PATL2: variants seen among roughly 807,000 people sequenced by gnomAD.
PATL2 encodes protein PAT1 homolog 2.
Under a neutral mutation model 77.0 loss-of-function variants are expected in PATL2, and 73 were observed. The ratio of observed to expected loss-of-function variants is 0.95; its 90% CI spans 0.78 to 1.15. PATL2 has a LOEUF of 1.15. Among genes scored for constraint, PATL2 ranks in the 50% most tolerant of loss-of-function variants. The pLI, the probability that PATL2 is intolerant of heterozygous loss-of-function variation, is 0.00. For missense variants in PATL2, 618 were observed against 655.4 expected, an observed-to-expected ratio of 0.94 and a Z score of 0.62; for synonymous variants, 265 against 257.1, an observed-to-expected ratio of 1.03 and a Z score of -0.29.
At chr15:44,679,299 C>T (rs905696711) in intron 3 of PATL2, among the ~76,000 whole-genome samples, 10 of 151,496 alleles carry the variant, frequency 6.6e-5, no homozygotes, top group African/African-American at 1.5e-4. Context: ...GGCACCATCT[C>T]GGCTCACTGC....
intron 3 of PATL2, among the ~76,000 whole-genome samples, chr15:44,688,781 C>T (rs2086320126): frequency 6.6e-6 from 1 of 152,088 alleles, no homozygotes; most frequent in African/African-American, 2.4e-5. Flanking sequence ...TAGGCAATAC[C>T]ATTCAGGACA....
chr15:44,700,616 G>A (rs564185968), intron 3 of PATL2, among the ~76,000 whole-genome samples: 1 of 152,072 alleles, frequency 6.6e-6, no homozygotes, highest in East Asian at 1.9e-4. Flanking sequence ...TGTTGACTTT[G>A]TATCCTCCAA....
intron 4 of PATL2, 86 bp from the exon 5 acceptor site, chr15:44,675,777 T>C (rs2085924940): frequency 1.7e-6 from 2 of 1,177,228 alleles, no homozygotes; most frequent in Middle Eastern, 2.2e-4. Flanking sequence ...CAATAGCACT[T>C]CTGTTCATAA....
intron 3 of PATL2, among the ~76,000 whole-genome samples, chr15:44,698,104 T>TTTTAA (rs1406636442): frequency 6.1e-5 from 3 of 49,448 alleles, no homozygotes; most frequent in African/African-American, 2.2e-4. Flanking sequence ...TTTAATTTTA[T>TTTTAA]TTTTAATTTT....
chr15:44,700,868 G>A (rs923349759), intron 3 of PATL2, among the ~76,000 whole-genome samples: 7 of 151,848 alleles, frequency 4.6e-5, no homozygotes, highest in African/African-American at 1.7e-4. Context: ...AAGGCTTTAG[G>A]TTTTCCCCTA....
intron 3 of PATL2, among the ~76,000 whole-genome samples, chr15:44,688,030 G>A (rs552462830): frequency 3.9e-5 from 6 of 152,016 alleles, no homozygotes; most frequent in African/African-American, 7.2e-5. Context: ...GGCAGATCAC[G>A]AGGTCAGGAG....
At chr15:44,676,696 C>G (rs1330936557) in intron 3 of PATL2, 131 bp from the exon 4 acceptor site, 1 of 1,186,954 alleles carries the variant, frequency 8.4e-7, no homozygotes, top group African/African-American at 1.6e-5. Context: ...GGAGAGAGAC[C>G]CTGGGGTCTC....
Position 44,665,822 on chromosome 15 carries a change from G to A in PATL2, c.*131C>T. On this transcript the variant is annotated 3_prime_UTR_variant, in exon 18 of 18. Coordinates refer to ENST00000682850, the MANE Select transcript of PATL2 (RefSeq NM_001387263.1). ...ATTTTTGAAGAAAGGATATGAAAAT[G>A]GGGAAGGGTTCTCCAATATATAAAG... 6.6e-7 allele frequency: 1 copy of A among 1,524,540 alleles called. No homozygotes were observed. 94.4% of individuals were successfully genotyped at this position (1,524,540 alleles called of 1,614,324 possible).
At position 44,670,001 on chromosome 15, in the gene PATL2, C is replaced by T. The variant is rs1472764731; in HGVS notation, c.744G>A (p.Thr248=). 57 of 1,549,554 alleles carry T rather than the reference C, an allele frequency of 3.7e-5. No homozygotes were observed. Among genetic ancestry groups the T allele is most frequent in the Admixed American group, 5.9e-5 (3 of 50,608 alleles). The change falls in exon 10 of 18, where the codon ACG becomes ACA. Residue 248 remains threonine, a synonymous_variant. Transcript: ENST00000682850. ...RNRVESLKLV[T]PYIPKAEAYE... ...AAGCCTCTGCCTTCGGAATGTAAGG[C>T]GTTACCAGCTTGAGGGACTCAACCC... is the stretch of plus-strand genomic sequence containing the variant.
chr15:44,675,521 C>T lies in PATL2; in HGVS notation c.187G>A (p.Asp63Asn), dbSNP rs751232590. 6.4e-7 allele frequency: 1 copy of T among 1,551,808 alleles called. No homozygotes were observed. The highest frequency in any genetic ancestry group is 8.7e-7 in the Non-Finnish European group (1 of 1,147,006). The change falls in exon 5 of 18, where the codon GAT becomes AAT. Residue 63 changes from aspartate (D) to asparagine (N), a missense_variant. Physicochemically the swap from Asp to Asn is conservative, Grantham distance 23. Transcript: ENST00000682850. ...DLEEEENDLG[D>N]PAVLGAVHNT... Reference sequence around the variant, plus strand: ...TGGACAGCACCAAGTACAGCTGGATCCCCAAGATCATTCTCTTCCTCCTCT... The same window carrying T: ...TGGACAGCACCAAGTACAGCTGGATTCCCAAGATCATTCTCTTCCTCCTCT...
intron 13 of PATL2, 65 bp from the exon 14 acceptor site, chr15:44,669,204 G>C: frequency 6.6e-7 from 1 of 1,524,730 alleles, no homozygotes; most frequent in Non-Finnish European, 8.9e-7. Context: ...ATGCCACAAA[G>C]GAGAGGCAGA....
At chr15:44,675,850 C>T in intron 4 of PATL2, 159 bp from the exon 5 acceptor site, 2 of 654,280 alleles carry the variant, frequency 3.1e-6, no homozygotes, top group South Asian at 4.2e-5. Context: ...CTCGGCCTCC[C>T]TTCTCCCAAG....
Position 44,675,629 on chromosome 15 carries a change from C to G in PATL2, c.79G>C (p.Glu27Gln). 5 of 1,551,860 alleles carry G rather than the reference C, an allele frequency of 3.2e-6. No individual in the cohort carries two copies. Among genetic ancestry groups the G allele is most frequent in the East Asian group, 2.4e-5 (1 of 40,906 alleles). ...EEELVSACQL[E>Q]KEEENEGEEE... The stretch of plus-strand genomic sequence containing the variant: ...TCCCCTTCATTCTCTTCTTCTTTTT[C>G]CAACTGGCAGGCAGACACCAGCTCC... Residue 27 changes from glutamate (E) to glutamine (Q), a missense_variant, in exon 5 of 18, where the codon GAA becomes CAA. Coordinates refer to ENST00000682850, the MANE Select transcript of PATL2 (RefSeq NM_001387263.1).
Position 44,710,714 on chromosome 15 carries a change from T to C in PATL2, c.-195+157A>G, listed in dbSNP as rs186405740. Among the ~76,000 whole-genome samples, 10 of 152,290 alleles carry C rather than the reference T, an allele frequency of 6.6e-5. No homozygotes were observed. In the East Asian group the frequency reaches 1.7e-3, roughly 26 times the overall value. On this transcript the variant is annotated intron_variant, in intron 2 of 17. Coordinates refer to ENST00000682850, the MANE Select transcript of PATL2 (RefSeq NM_001387263.1). The stretch of plus-strand genomic sequence containing the variant: ...TTCATTCGGTTTACTGAGTACCTAC[T>C]ATGTGCCAGCCCCTGTTCTAGGGTG...
At chr15:44,670,248 G>C (rs1196589173) in intron 9 of PATL2, among the ~76,000 whole-genome samples, 161 bp from the exon 10 acceptor site, 1 of 152,168 alleles carries the variant, frequency 6.6e-6, no homozygotes, top group Non-Finnish European at 1.5e-5. Context: ...CACCCAGCTG[G>C]AGTGCAGTGG....
intron 3 of PATL2, chr15:44,676,779 C>T: frequency 7.9e-7 from 1 of 1,258,496 alleles, no homozygotes; most frequent in Non-Finnish European, 1.0e-6. Context: ...AAATGAGGCA[C>T]AGGCTAGAAG....
chr15:44,671,316 C>T (rs1291219190), intron 9 of PATL2, among the ~76,000 whole-genome samples: 1 of 152,022 alleles, frequency 6.6e-6, no homozygotes, highest in Non-Finnish European at 1.5e-5. Flanking sequence ...TGGTGAAACC[C>T]CATCTCTACT....
At chr15:44,673,430 C>G in intron 6 of PATL2, 53 bp from the exon 7 acceptor site, 1 of 1,542,232 alleles carries the variant, frequency 6.5e-7, no homozygotes, top group South Asian at 1.2e-5. Context: ...CAAAAGAATG[C>G]TGCTCTTGTT....
intron 6 of PATL2, 64 bp downstream of exon 6, chr15:44,674,086 G>A: frequency 6.9e-7 from 1 of 1,440,862 alleles, no homozygotes; most frequent in Non-Finnish European, 9.5e-7. Context: ...CAGGGTTGGG[G>A]GTAGACTGAA....
Sources: gnomAD v4.1 joint callset for allele counts (sites outside exome capture counted in the v4.1 genomes callset) on GRCh38, gnomAD v4.1.1 for gene constraint, MANE v1.5 for transcripts, NCBI Gene and HGNC (gene_info 2026-07-23, HGNC 2026-07-21) for gene names.